Variants in FRAS1 observed in about 807,000 individuals in gnomAD.
FRAS1 encodes the protein extracellular matrix organizing protein FRAS1.
In FRAS1, 290 loss-of-function variants were observed where a neutral mutation model predicts 435.2. That is an observed-to-expected ratio of 0.67 (90% CI 0.61 to 0.73). The LOEUF is 0.73. Ranked by LOEUF, FRAS1 falls within the 30% of genes least tolerant of loss-of-function variation. The pLI is 0.00. For synonymous variants in FRAS1, 1,800 were observed against 1,851.0 expected, an observed-to-expected ratio of 0.97 and a Z score of 0.71; for missense variants, 4,860 against 5,001.5, an observed-to-expected ratio of 0.97 and a Z score of 0.85.
intron 61 of FRAS1, among the ~76,000 whole-genome samples, chr4:78,502,157 C>T (rs1207277064): frequency 1.3e-5 from 2 of 152,144 alleles, no homozygotes; most frequent in Non-Finnish European, 2.9e-5. Flanking sequence ...ATTGTGATGC[C>T]TCCAGCTTTG....
chr4:78,405,004 C>A (rs1455897754), intron 30 of FRAS1, among the ~76,000 whole-genome samples: 1 of 152,142 alleles, frequency 6.6e-6, no homozygotes, highest in African/African-American at 2.4e-5. Flanking sequence ...CTGCATGTGG[C>A]CTAGCTTTGA....
chr4:78,479,449 T>A lies in FRAS1; in HGVS notation c.8174T>A (p.Leu2725Gln), dbSNP rs781640831. Reference protein sequence around the residue: ...KSAMGSSLYALESGSDFKSRG... With the variant: ...KSAMGSSLYAQESGSDFKSRG... ...GCTATGGGAAGTAGCCTCTATGCTC[T>A]AGAATCAGGCTCTGATTTTAAATCT... The change falls in exon 56 of 74, where the codon CTA (leucine) becomes CAA (glutamine). Residue 2725 changes from leucine to glutamine, a missense_variant. Physicochemically the swap from Leu to Gln is moderately radical, Grantham distance 113. Transcript: ENST00000512123. 1 of 1,602,594 alleles carries A rather than the reference T, an allele frequency of 6.2e-7. No homozygotes were observed. Among genetic ancestry groups the A allele is most frequent in the African/African-American group, 1.3e-5 (1 of 74,956 alleles).
At chr4:78,358,841 G>A (rs376809) in intron 20 of FRAS1, among the ~76,000 whole-genome samples, 10,046 of 152,084 alleles carry the variant, frequency 0.066, 618 homozygotes, top group African/African-American at 0.17. Context: ...ATATGATGTC[G>A]CTGCTAAAAA....
At chr4:78,475,970 G>T (rs1450770925) in intron 54 of FRAS1, among the ~76,000 whole-genome samples, 1 of 152,192 alleles carries the variant, frequency 6.6e-6, no homozygotes. Flanking sequence ...AAGGAGACTG[G>T]TTGGGAATCC....
intron 2 of FRAS1, among the ~76,000 whole-genome samples, chr4:78,194,286 T>C (rs909918983): frequency 2.6e-5 from 4 of 152,304 alleles, no homozygotes; most frequent in African/African-American, 9.6e-5. Flanking sequence ...CTTTGTGGCA[T>C]TCTCTATATT....
intron 2 of FRAS1, among the ~76,000 whole-genome samples, chr4:78,218,332 G>A (rs938776974): frequency 4.6e-5 from 7 of 151,560 alleles, no homozygotes; most frequent in Non-Finnish European, 1.0e-4. Flanking sequence ...GTGCATAGAG[G>A]GTAGAAAGTT....
rs536888497 is a variant in FRAS1 at position 78,494,981 on chromosome 4, A to G, written c.8959-1824A>G. 2.6e-5 allele frequency among the ~76,000 whole-genome samples: 4 copies of G among 152,328 alleles called. No individual in the cohort carries two copies. The East Asian group carries it at 5.8e-4, about 22-fold the overall frequency. ...AGTGCATGAGGGTTGCTATAACCCT[A>G]TATTCTCTTCAAAACGAGCATTATT... is the stretch of plus-strand genomic sequence containing the variant. On this transcript the variant is annotated intron_variant, in intron 59 of 73. Transcript: ENST00000512123.
At chr4:78,454,055 G>A (rs1264620865) in intron 47 of FRAS1, among the ~76,000 whole-genome samples, 1 of 152,058 alleles carries the variant, frequency 6.6e-6, no homozygotes, top group East Asian at 1.9e-4. Context: ...TCTAGGAGAA[G>A]GAAGGGTATT....
rs1441442098 is a variant in FRAS1, at chr4:78,413,094, G to T, written c.4425+9G>T. 1.3e-6 allele frequency: 2 copies of T among 1,546,220 alleles called. No homozygotes were observed. The highest frequency in any genetic ancestry group is 1.8e-6 in the Non-Finnish European group (2 of 1,128,640). On this transcript the variant is annotated intron_variant, in intron 32 of 73. Coordinates refer to ENST00000512123, the MANE Select transcript of FRAS1 (RefSeq NM_025074.7). Reference sequence around the variant, plus strand: ...CATCTCTCCATATGACTGTGAGTTGGGTGGGAGGCTTGTGGTTTCCACTTA... The same window carrying T: ...CATCTCTCCATATGACTGTGAGTTGTGTGGGAGGCTTGTGGTTTCCACTTA...
chr4:78,121,239 TAAG>T (rs1171108934), intron 2 of FRAS1, among the ~76,000 whole-genome samples: 2 of 152,350 alleles, frequency 1.3e-5, no homozygotes, highest in East Asian at 3.9e-4. Context: ...GAGGTCTGAT[TAAG>T]ATTCCTGCTC....
intron 2 of FRAS1, among the ~76,000 whole-genome samples, chr4:78,171,760 C>G (rs924883273): frequency 6.6e-6 from 1 of 152,162 alleles, no homozygotes; most frequent in Admixed American, 6.5e-5. Context: ...TCCAGCACAT[C>G]GCTGTAGCCT....
intron 2 of FRAS1, among the ~76,000 whole-genome samples, chr4:78,115,063 C>T (rs904209493): frequency 6.6e-6 from 1 of 151,996 alleles, no homozygotes; most frequent in Non-Finnish European, 1.5e-5. Flanking sequence ...TTGTCAAAGG[C>T]CTTTTCTGCA....
intron 2 of FRAS1, among the ~76,000 whole-genome samples, chr4:78,173,955 A>G (rs1721658196): frequency 6.6e-6 from 1 of 152,214 alleles, no homozygotes; most frequent in Non-Finnish European, 1.5e-5. Context: ...ATCATCAGTT[A>G]CTGTGTGCAT....
intron 2 of FRAS1, among the ~76,000 whole-genome samples, chr4:78,225,415 C>T (rs899710192): frequency 2.6e-5 from 4 of 152,132 alleles, no homozygotes; most frequent in Non-Finnish European, 5.9e-5. Context: ...CCCAGGGAGG[C>T]GGTTTGTCTG....
intron 32 of FRAS1, among the ~76,000 whole-genome samples, chr4:78,413,550 A>G (rs1733435478): frequency 6.6e-6 from 1 of 152,242 alleles, no homozygotes; most frequent in Non-Finnish European, 1.5e-5. Context: ...GATAAATAGC[A>G]GTTATCCAAG....
chr4:78,491,551 C>T (rs182185055), intron 59 of FRAS1, among the ~76,000 whole-genome samples: 2 of 151,998 alleles, frequency 1.3e-5, no homozygotes, highest in Non-Finnish European at 2.9e-5. Flanking sequence ...AATGACAAAA[C>T]CCACATGATT....
chr4:78,354,198 C>T (rs1730760768), intron 20 of FRAS1, among the ~76,000 whole-genome samples: 1 of 152,160 alleles, frequency 6.6e-6, no homozygotes, highest in Non-Finnish European at 1.5e-5. Context: ...GCTCCTACGG[C>T]AGCCTTCCCA....
chr4:78,361,426 T>C (rs2110293519), intron 20 of FRAS1, among the ~76,000 whole-genome samples: 1 of 152,348 alleles, frequency 6.6e-6, no homozygotes, highest in South Asian at 2.1e-4. Context: ...AGGCTGCTTG[T>C]AATTTGTAAC....
At chr4:78,488,795 C>T (rs1353660801) in intron 58 of FRAS1, 80 bp from the exon 59 acceptor site, 22 of 1,338,508 alleles carry the variant, frequency 1.6e-5, no homozygotes, top group African/African-American at 4.3e-5. Context: ...AAAATAGCTG[C>T]TGAAGGCTGA....
Sources: allele counts gnomAD v4.1 joint callset (sites outside exome capture counted in the v4.1 genomes callset), GRCh38; gene constraint gnomAD v4.1.1; transcripts MANE v1.5; gene names NCBI Gene and HGNC (gene_info 2026-07-23, HGNC 2026-07-21).